RAP1A: variants seen among roughly 807,000 people sequenced by gnomAD.
RAP1A encodes the protein RAP1A, member of RAS oncogene family.
A neutral mutation model predicts 26.4 loss-of-function variants in RAP1A; 6 were observed. That is an observed-to-expected ratio of 0.23 (90% CI 0.12 to 0.45). The LOEUF (loss-of-function observed/expected upper bound fraction) is 0.45. Ranked by LOEUF, RAP1A falls within the 20% of genes least tolerant of loss-of-function variation. RAP1A has a pLI of 0.99. For synonymous variants in RAP1A, 73 were observed against 79.4 expected, an observed-to-expected ratio of 0.92 and a Z score of 0.43; for missense variants, 121 against 217.2, an observed-to-expected ratio of 0.56 and a Z score of 2.78.
chr1:111,668,483 T>G (rs757065780), intron 1 of RAP1A, among the ~76,000 whole-genome samples: 3 of 152,290 alleles, frequency 2.0e-5, no homozygotes, highest in Admixed American at 1.3e-4. Context: ...CTTTACATGT[T>G]AATTAATCCT....
chr1:111,700,066 T>C (rs576156449), intron 4 of RAP1A, among the ~76,000 whole-genome samples: 1 of 152,034 alleles, frequency 6.6e-6, no homozygotes, highest in South Asian at 2.1e-4. Context: ...CTAATTCCTC[T>C]TTATCTCCCC....
intron 1 of RAP1A, among the ~76,000 whole-genome samples, chr1:111,667,662 AC>A (rs1172834298): frequency 2.0e-5 from 3 of 151,084 alleles, no homozygotes; most frequent in Non-Finnish European, 4.4e-5. Flanking sequence ...AGCCTGGGCG[AC>A]AAGAGCAAGA....
At chr1:111,609,707 C>T (rs1658887431) in intron 1 of RAP1A, among the ~76,000 whole-genome samples, 1 of 152,178 alleles carries the variant, frequency 6.6e-6, no homozygotes, top group African/African-American at 2.4e-5. Flanking sequence ...ATGCTCTCGG[C>T]TCACTGCAAC....
At chr1:111,639,256 T>C (rs774281566) in intron 1 of RAP1A, among the ~76,000 whole-genome samples, 2 of 152,174 alleles carry the variant, frequency 1.3e-5, no homozygotes, top group Non-Finnish European at 2.9e-5. Context: ...TTTCCTGAGG[T>C]TTATTAATCT....
At chr1:111,688,807 TG>T (rs1327261041) in intron 1 of RAP1A, among the ~76,000 whole-genome samples, 1 of 131,118 alleles carries the variant, frequency 7.6e-6, no homozygotes. Flanking sequence ...TTTTTGTTTT[TG>T]TTTTTTTTTT....
At chr1:111,685,979 A>G (rs565836718) in intron 1 of RAP1A, among the ~76,000 whole-genome samples, 1 of 152,328 alleles carries the variant, frequency 6.6e-6, no homozygotes, top group South Asian at 2.1e-4. Context: ...TTGCAGGGAC[A>G]TGGATGAAGT....
chr1:111,635,688 C>T (rs1557873165), intron 1 of RAP1A, among the ~76,000 whole-genome samples: 1 of 152,120 alleles, frequency 6.6e-6, no homozygotes, highest in Non-Finnish European at 1.5e-5. Context: ...GCCTCAGCCT[C>T]CCAGGTAGCT....
intron 1 of RAP1A, among the ~76,000 whole-genome samples, chr1:111,622,711 T>G (rs1659259679): frequency 6.6e-6 from 1 of 152,248 alleles, no homozygotes. Context: ...ACTTTCAGAT[T>G]GTTAAGTTGA....
At chr1:111,681,301 G>A (rs2101209989) in intron 1 of RAP1A, among the ~76,000 whole-genome samples, 1 of 152,238 alleles carries the variant, frequency 6.6e-6, no homozygotes, top group Middle Eastern at 3.4e-3. Context: ...CTCCTCCAAA[G>A]GATCACAACT....
intron 2 of RAP1A, among the ~76,000 whole-genome samples, chr1:111,693,754 T>C (rs778158035): frequency 6.6e-6 from 1 of 152,152 alleles, no homozygotes; most frequent in Non-Finnish European, 1.5e-5. Context: ...TGTAAACTTA[T>C]GAGAGAAGAA....
At chr1:111,621,070 A>G (rs10857901) in intron 1 of RAP1A, among the ~76,000 whole-genome samples, 70,269 of 151,946 alleles carry the variant, frequency 0.46, 16,321 homozygotes, top group Middle Eastern at 0.56. Flanking sequence ...CAGAAGGTCA[A>G]TGAGCCACAG....
intron 1 of RAP1A, among the ~76,000 whole-genome samples, chr1:111,688,026 CAAAAAA>C (rs58107878): frequency 2.9e-4 from 15 of 51,706 alleles, no homozygotes; most frequent in Admixed American, 5.8e-4. Context: ...GACCCTGTCT[CAAAAAA>C]AAAAAAAAAA....
chr1:111,702,498 C>T (rs7519174), intron 4 of RAP1A, among the ~76,000 whole-genome samples: 9,261 of 151,850 alleles, frequency 0.061, 300 homozygotes, highest in South Asian at 0.087. Context: ...GATAGATAGT[C>T]ATTGCACTAT....
intron 1 of RAP1A, among the ~76,000 whole-genome samples, chr1:111,575,717 C>T (rs1438279938): frequency 6.6e-6 from 1 of 152,114 alleles, no homozygotes. Flanking sequence ...CAGAGAGAGG[C>T]CTTAGGAGAC....
intron 7 of RAP1A, among the ~76,000 whole-genome samples, chr1:111,711,892 A>G (rs1662396039): frequency 2.0e-5 from 3 of 152,184 alleles, no homozygotes; most frequent in Non-Finnish European, 2.9e-5. Context: ...TCTGTTGACA[A>G]TAAGACTAAC....
intron 1 of RAP1A, among the ~76,000 whole-genome samples, chr1:111,665,530 A>AT (rs34123901): frequency 6.6e-6 from 1 of 152,170 alleles, no homozygotes; most frequent in Non-Finnish European, 1.5e-5. Context: ...TGGTTTACAA[A>AT]TTTTTTGTTT....
At chr1:111,596,641 A>T (rs1350091197) in intron 1 of RAP1A, among the ~76,000 whole-genome samples, 2 of 152,250 alleles carry the variant, frequency 1.3e-5, no homozygotes, top group African/African-American at 4.8e-5. Flanking sequence ...TATTTCTCAT[A>T]GTTCTGCAGG....
At position 111,703,457 on chromosome 1, in the gene RAP1A, G is replaced by A. The variant is rs758850574; in HGVS notation, c.305G>A (p.Arg102Gln). The A allele has an allele frequency of 3.1e-6, 5 of 1,600,344 alleles. No individual in the cohort carries two copies. The highest frequency in any genetic ancestry group is 1.1e-5 in the South Asian group (1 of 88,774). Residue 102 changes from arginine to glutamine, a missense_variant, in exon 5 of 8, where the codon CGG becomes CAG. By Grantham distance (43) the Arg-to-Gln change is conservative. Transcript: ENST00000369709. ...DLQDLREQILRVKDTEDVPMI... is the reference protein window; with the variant it reads ...DLQDLREQILQVKDTEDVPMI... ...CAGGACCTGAGGGAACAGATTTTAC[G>A]GGTTAAGGACACGGAAGATGTAAGT...
chr1:111,677,529 G>T (rs890310745), intron 1 of RAP1A, among the ~76,000 whole-genome samples: 2 of 152,152 alleles, frequency 1.3e-5, no homozygotes, highest in East Asian at 3.8e-4. Context: ...GATATCTCAC[G>T]AGGCTGCAGA....
Sources: allele counts gnomAD v4.1 joint callset (sites outside exome capture counted in the v4.1 genomes callset), GRCh38; gene constraint gnomAD v4.1.1; transcripts MANE v1.5; gene names NCBI Gene and HGNC (gene_info 2026-07-23, HGNC 2026-07-21).